Variants in PDE1A observed in about 807,000 individuals in gnomAD.
PDE1A encodes dual specificity calcium/calmodulin-dependent 3',5'-cyclic nucleotide phosphodiesterase 1A.
A neutral mutation model predicts 61.7 loss-of-function variants in PDE1A; 35 were observed. The ratio of observed to expected loss-of-function variants is 0.57; its 90% CI spans 0.43 to 0.75. PDE1A has a LOEUF of 0.75. Ranked by LOEUF, PDE1A falls within the 30% of genes least tolerant of loss-of-function variation. The pLI, the probability that PDE1A is intolerant of heterozygous loss-of-function variation, is 0.00. For synonymous variants in PDE1A, 232 were observed against 213.2 expected (o/e 1.09, Z -0.77); for missense variants, 597 against 630.6 (o/e 0.95, Z 0.57).
intron 1 of PDE1A, among the ~76,000 whole-genome samples, chr2:182,282,306 TAGCCTCCTTACATACA>T (rs979574506): frequency 2.0e-5 from 3 of 151,988 alleles, no homozygotes; most frequent in Admixed American, 6.6e-5. Context: ...AAAGTCACTG[TAGCCTCCTTACATACA>T]AGCCTCCTTA....
At chr2:182,156,654 A>T (rs1291550600) in intron 13 of PDE1A, among the ~76,000 whole-genome samples, 2 of 152,222 alleles carry the variant, frequency 1.3e-5, no homozygotes, top group Non-Finnish European at 2.9e-5. Context: ...GTAGTGTGGT[A>T]GTAAGAAGTG....
chr2:182,256,747 C>T lies in PDE1A; in HGVS notation c.167+7554G>A, dbSNP rs140651057. Among the ~76,000 whole-genome samples, 400 of 152,144 alleles carry T rather than the reference C, an allele frequency of 2.6e-3. 4 individuals are homozygous for T. Among genetic ancestry groups the T allele is most frequent in the East Asian group, 0.026 (132 of 5,174 alleles). ...TTTTTTTTTCTTGTCATGCTAAATA[C>T]GTTTTTTAAACTTTTCGTTTCTGGG... On this transcript the variant is annotated intron_variant, in intron 2 of 13. Coordinates refer to ENST00000351439, the Ensembl canonical transcript of PDE1A.
chr2:182,432,713 TTTC>T (rs1704017977), intron 2 of PDE1A, among the ~76,000 whole-genome samples: 1 of 152,088 alleles, frequency 6.6e-6, no homozygotes, highest in Admixed American at 6.6e-5. Context: ...GCCCATTGTT[TTTC>T]TTCAAGGAGA....
chr2:182,537,157 T>G, the PDE1A span, among the ~76,000 whole-genome samples: 1 of 152,210 alleles, frequency 6.6e-6, no homozygotes, highest in African/African-American at 2.4e-5. Flanking sequence ...TGTAACTGCT[T>G]ACATAGCCAT....
At chr2:182,671,338 ATT>A in the PDE1A span, among the ~76,000 whole-genome samples, 6 of 75,226 alleles carry the variant, frequency 8.0e-5, 1 homozygote, top group African/African-American at 1.4e-4. Context: ...CGACTGGCTA[ATT>A]TTTTTTTTTT....
chr2:182,522,725 G>A, exon 1 of PDE1A: 1 of 960,308 alleles, frequency 1.0e-6, no homozygotes, highest in African/African-American at 1.7e-5. Context: ...GTGCACTGAA[G>A]CACATCAGAA....
At chr2:182,449,366 G>A (rs1268343872) in intron 2 of PDE1A, among the ~76,000 whole-genome samples, 1 of 151,410 alleles carries the variant, frequency 6.6e-6, no homozygotes, top group Non-Finnish European at 1.5e-5. Flanking sequence ...AGGGAGGGAG[G>A]GAGGACGAGC....
In PDE1A at chr2:182,185,907, C is replaced by T. The variant is rs370742608; in HGVS notation, c.1501G>A (p.Glu501Lys). The change falls in exon 13 of 14, where the codon GAG becomes AAG. Residue 501 changes from glutamate (E) to lysine (K), a missense_variant. Coordinates refer to ENST00000351439, the Ensembl canonical transcript of PDE1A. ...ACAACACTACCTTGTGCAGCTAACT[C>T]TTTCCACCTCTCTTTGTTCTGCTGA... is the stretch of plus-strand genomic sequence containing the variant. 1.4e-5 allele frequency: 22 copies of T among 1,613,874 alleles called. No homozygotes were observed. The Admixed American group carries it at 2.3e-4, about 17-fold the overall frequency.
chr2:182,503,040 T>TACACAC (rs35067674), intron 2 of PDE1A, among the ~76,000 whole-genome samples: 10,241 of 96,850 alleles, frequency 0.11, 946 homozygotes, highest in African/African-American at 0.26. Context: ...CATTCTTTCT[T>TACACAC]ACACACACAC....
At chr2:182,360,959 G>A (rs1564543) in intron 1 of PDE1A, among the ~76,000 whole-genome samples, 40,791 of 151,812 alleles carry the variant, frequency 0.27, 5,892 homozygotes, top group East Asian at 0.46. Flanking sequence ...TAATAATAAA[G>A]GCTTATTTGT....
intron 2 of PDE1A, among the ~76,000 whole-genome samples, chr2:182,495,629 G>A (rs1688666989): frequency 6.6e-6 from 1 of 152,106 alleles, no homozygotes; most frequent in Admixed American, 6.5e-5. Flanking sequence ...AAAAGAGAAA[G>A]TAAAGGCCCC....
the PDE1A span, among the ~76,000 whole-genome samples, chr2:182,626,766 TATATACATATATATAC>T: frequency 3.4e-3 from 25 of 7,344 alleles, 4 homozygotes; most frequent in African/African-American, 8.0e-3. Context: ...TATATACATA[TATATACATATATATAC>T]ATATATATAC....
intron 2 of PDE1A, among the ~76,000 whole-genome samples, chr2:182,261,011 T>C (rs1000555518): frequency 9.2e-5 from 14 of 152,220 alleles, no homozygotes; most frequent in Non-Finnish European, 1.8e-4. Flanking sequence ...TTCTATTTCA[T>C]AGGACTTTTA....
At chr2:182,590,482 T>C in the PDE1A span, among the ~76,000 whole-genome samples, 4 of 152,082 alleles carry the variant, frequency 2.6e-5, no homozygotes, top group Admixed American at 2.0e-4. Context: ...AAAAAATGTG[T>C]GTGCACATGA....
the PDE1A span, among the ~76,000 whole-genome samples, chr2:182,559,403 T>C: frequency 6.6e-6 from 1 of 152,096 alleles, no homozygotes; most frequent in South Asian, 2.1e-4. Context: ...AGAAAAGATA[T>C]AATCATGATT....
chr2:182,450,109 C>A (rs948062685), intron 2 of PDE1A, among the ~76,000 whole-genome samples: 5 of 152,036 alleles, frequency 3.3e-5, no homozygotes, highest in African/African-American at 9.7e-5. Flanking sequence ...CAGTAAATGG[C>A]ACTCAATAAA....
At chr2:182,563,920 C>T in the PDE1A span, among the ~76,000 whole-genome samples, 1 of 152,084 alleles carries the variant, frequency 6.6e-6, no homozygotes, top group African/African-American at 2.4e-5. Context: ...GATCTTCCTC[C>T]CTCCTTTTAT....
intron 2 of PDE1A, among the ~76,000 whole-genome samples, chr2:182,498,584 G>A (rs1397245520): frequency 6.6e-6 from 1 of 151,840 alleles, no homozygotes; most frequent in Non-Finnish European, 1.5e-5. Flanking sequence ...ATACTGAAAG[G>A]CATGTATTTC....
Position 182,426,639 on chromosome 2 carries a change from G to T in PDE1A, c.-9C>A, listed in dbSNP as rs752782366. 13 of 1,612,324 alleles carry T rather than the reference G, an allele frequency of 8.1e-6. No homozygotes were observed. In the South Asian group the frequency reaches 1.4e-4, roughly 18 times the overall value. On this transcript the variant is annotated 5_prime_UTR_variant, in exon 1 of 14. Coordinates refer to ENST00000351439, the Ensembl canonical transcript of PDE1A. ...GTGACATGGTCATCCATTTAAAGGT[G>T]AAGGTTTAACTTCTTCCTGGAAACC...
Sources: allele counts gnomAD v4.1 joint callset (sites outside exome capture counted in the v4.1 genomes callset), GRCh38; gene constraint gnomAD v4.1.1; transcripts MANE v1.5; gene names NCBI Gene and HGNC (gene_info 2026-07-23, HGNC 2026-07-21).